The following SEL1L3 variants were observed in gnomAD, a reference collection of about 807,000 sequenced individuals.
SEL1L3 encodes protein sel-1 homolog 3.
SEL1L3 carries 76 observed loss-of-function variants against 142.8 expected under a neutral mutation model. That is an observed-to-expected ratio of 0.53 (90% confidence interval 0.44 to 0.64). The LOEUF (loss-of-function observed/expected upper bound fraction) is 0.64, where lower values mean the gene tolerates loss of function less well. SEL1L3 is among the 30% of genes least tolerant of loss of function. SEL1L3 has a pLI of 0.00. For missense variants in SEL1L3, 1,262 were observed against 1,381.7 expected, an observed-to-expected ratio of 0.91 and a Z score of 1.37; for synonymous variants, 504 against 519.6, an observed-to-expected ratio of 0.97 and a Z score of 0.41.
intron 9 of SEL1L3, among the ~76,000 whole-genome samples, chr4:25,812,597 A>G (rs913490065): frequency 5.3e-5 from 8 of 151,010 alleles, no homozygotes; most frequent in Non-Finnish European, 1.2e-4. Context: ...CTGTAATCCT[A>G]GTTACTCAGG....
the SEL1L3 span, chr4:25,718,671 A>G: frequency 6.6e-6 from 1 of 152,266 alleles, no homozygotes. Context: ...CAGGCTATCT[A>G]TTCTGTTAGG....
chr4:25,855,978 T>C (rs898560079), intron 1 of SEL1L3, among the ~76,000 whole-genome samples: 6 of 152,176 alleles, frequency 3.9e-5, no homozygotes, highest in East Asian at 1.9e-4. Context: ...TGGCACCTCA[T>C]TGGTCCCTGG....
At chr4:25,727,660 G>A in the SEL1L3 span, among the ~76,000 whole-genome samples, 1 of 152,064 alleles carries the variant, frequency 6.6e-6, no homozygotes, top group Non-Finnish European at 1.5e-5. Flanking sequence ...TCCTGCTTTT[G>A]AAAGCTGTGA....
chr4:25,792,996 A>C (rs1431697154), intron 11 of SEL1L3, among the ~76,000 whole-genome samples: 1 of 152,250 alleles, frequency 6.6e-6, no homozygotes, highest in Non-Finnish European at 1.5e-5. Flanking sequence ...CATAAGAACC[A>C]TCATGGATGA....
chr4:25,723,420 A>C, the SEL1L3 span, among the ~76,000 whole-genome samples: 1 of 152,210 alleles, frequency 6.6e-6, no homozygotes, highest in African/African-American at 2.4e-5. Context: ...GCCCAAGTGA[A>C]ATATAAATGT....
the SEL1L3 span, among the ~76,000 whole-genome samples, chr4:25,729,205 C>G: frequency 1.3e-5 from 2 of 152,198 alleles, no homozygotes; most frequent in African/African-American, 4.8e-5. Flanking sequence ...TGATAAATGA[C>G]CACCAACCAT....
intron 1 of SEL1L3, chr4:25,861,900 G>A (rs1273384239): frequency 1.3e-5 from 2 of 152,074 alleles, no homozygotes; most frequent in Non-Finnish European, 2.9e-5. Context: ...CAGCTACTCT[G>A]GTATTTAAAA....
At chr4:25,858,276 A>C (rs1019324667) in intron 1 of SEL1L3, among the ~76,000 whole-genome samples, 1 of 152,222 alleles carries the variant, frequency 6.6e-6, no homozygotes, top group Non-Finnish European at 1.5e-5. Context: ...GTCAGGATGA[A>C]TATGGAAGCT....
chr4:25,748,287 A>G lies in SEL1L3; in HGVS notation c.*138T>C. On this transcript the variant is annotated 3_prime_UTR_variant, in exon 24 of 24. Transcript: ENST00000399878. Reference sequence around the variant, plus strand: ...TTCCTTGTAATTTGACTTTAAAAAAAATGACACCAATTGCAAAATTTGCAT... The same window carrying G: ...TTCCTTGTAATTTGACTTTAAAAAAGATGACACCAATTGCAAAATTTGCAT... The G allele has an allele frequency of 2.4e-6, 2 of 849,668 alleles. No homozygotes were observed. The highest frequency in any genetic ancestry group is 5.4e-5 in the East Asian group (2 of 36,834). The allele number at this position is 849,668 out of a possible 1,614,324, so 52.6% of individuals were successfully genotyped here. A position where few individuals can be genotyped will look rare whatever the true frequency, so the allele number is the denominator to read the frequency against.
At chr4:25,793,568 C>T (rs533607787) in intron 11 of SEL1L3, among the ~76,000 whole-genome samples, 8 of 152,186 alleles carry the variant, frequency 5.3e-5, no homozygotes, top group African/African-American at 1.4e-4. Context: ...GCCCCACTGC[C>T]CTGCTGGAAT....
chr4:25,847,361 A>G lies in SEL1L3; in HGVS notation c.666T>C (p.Leu222=), dbSNP rs16877658. 3.5e-3 allele frequency: 5,720 copies of G among 1,613,970 alleles called. 183 individuals are homozygous for G. The African/African-American group carries it at 0.067, about 19-fold the overall frequency. The change falls in exon 2 of 24, where the codon CTT becomes CTC. Residue 222 remains leucine, a synonymous_variant. Transcript: ENST00000399878. The part of the protein sequence containing the change: ...ERPFKDHQVC[L]EWNMGYIWNL... ...TCCAAATATAACCCATGTTCCACTCAAGGCACACTTGATGATCTTTGAAAG... is the reference window on the plus strand; with the variant it reads ...TCCAAATATAACCCATGTTCCACTCGAGGCACACTTGATGATCTTTGAAAG...
chr4:25,750,234 C>CAAAAAAAAAA (rs10718046), intron 23 of SEL1L3, among the ~76,000 whole-genome samples: 10 of 105,030 alleles, frequency 9.5e-5, no homozygotes, highest in African/African-American at 1.6e-4. Flanking sequence ...GACTCCATCT[C>CAAAAAAAAAA]AAAAAAAAAA....
intron 23 of SEL1L3, among the ~76,000 whole-genome samples, chr4:25,754,870 T>G (rs1167344720): frequency 6.6e-6 from 1 of 152,202 alleles, no homozygotes; most frequent in Non-Finnish European, 1.5e-5. Flanking sequence ...CCCTTTATAT[T>G]GCTGTTAGGG....
intron 2 of SEL1L3, among the ~76,000 whole-genome samples, chr4:25,837,145 G>A (rs923785296): frequency 1.3e-5 from 2 of 151,536 alleles, no homozygotes; most frequent in African/African-American, 4.9e-5. Context: ...GGTGGTGAGA[G>A]GGGTGAGAAA....
chr4:25,722,623 G>GATT, the SEL1L3 span, among the ~76,000 whole-genome samples: 2 of 125,124 alleles, frequency 1.6e-5, no homozygotes, highest in Admixed American at 7.5e-5. Flanking sequence ...TCCAAAGGAG[G>GATT]CTTTTTTTTT....
downstream of SEL1L3, among the ~76,000 whole-genome samples, chr4:25,743,657 T>C: frequency 6.6e-6 from 1 of 152,188 alleles, no homozygotes; most frequent in East Asian, 1.9e-4. Flanking sequence ...TTGCATTGTT[T>C]TGAGTTTCTG....
chr4:25,810,482 A>C (rs1713947716), intron 9 of SEL1L3, among the ~76,000 whole-genome samples: 1 of 152,232 alleles, frequency 6.6e-6, no homozygotes, highest in East Asian at 1.9e-4. Flanking sequence ...AGGTGTGACA[A>C]GAAAGTAAAA....
intron 2 of SEL1L3, among the ~76,000 whole-genome samples, chr4:25,836,357 CT>C (rs1253118048): frequency 6.6e-6 from 1 of 152,114 alleles, no homozygotes; most frequent in Non-Finnish European, 1.5e-5. Flanking sequence ...AATAAGAATA[CT>C]TTTCTTGGCT....
At chr4:25,748,988 T>TCTAA (rs958821678) in intron 23 of SEL1L3, among the ~76,000 whole-genome samples, 1 of 152,044 alleles carries the variant, frequency 6.6e-6, no homozygotes, top group Non-Finnish European at 1.5e-5. Flanking sequence ...ATGTACCCTT[T>TCTAA]CTAAGGTCAT....
Sources: gnomAD v4.1 joint callset for allele counts (sites outside exome capture counted in the v4.1 genomes callset) on GRCh38, gnomAD v4.1.1 for gene constraint, MANE v1.5 for transcripts, NCBI Gene and HGNC (gene_info 2026-07-23, HGNC 2026-07-21) for gene names.